Variants in ZNF747 observed in about 807,000 individuals in gnomAD.
The protein encoded by ZNF747 is KRAB domain-containing protein ZNF747.
A neutral mutation model predicts 13.4 loss-of-function variants in ZNF747; 14 were observed. The observed-to-expected ratio is 1.04, with a 90% CI of 0.69 to 1.63. The LOEUF is 1.63. ZNF747 is among the 40% of genes most tolerant of loss of function. ZNF747 has a pLI of 0.00. For synonymous variants in ZNF747, 212 were observed against 206.5 expected, an observed-to-expected ratio of 1.03 and a Z score of -0.23; for missense variants, 532 against 477.9, an observed-to-expected ratio of 1.11 and a Z score of -1.05.
In ZNF747 at chr16:30,532,996, G is replaced by A. The variant is rs746810644; in HGVS notation, c.499C>T (p.Pro167Ser). 5 of 1,609,200 alleles carry A rather than the reference G, an allele frequency of 3.1e-6. No homozygotes were observed. The highest frequency in any genetic ancestry group is 1.1e-5 in the South Asian group (1 of 90,966). ...ACAGGGGGGTGGGCAAAAAAGCGGGGGCGACTCCGGCGCCGGGCCTTGGAC... is the reference window on the plus strand; with the variant it reads ...ACAGGGGGGTGGGCAAAAAAGCGGGAGCGACTCCGGCGCCGGGCCTTGGAC... Reference protein sequence around the residue: ...QLSKARRRSRPRFFAHPPVPR... With the variant: ...QLSKARRRSRSRFFAHPPVPR... The change falls in exon 3 of 3, where the codon CCC (proline) becomes TCC (serine). Residue 167 changes from proline to serine, a missense_variant. Transcript: ENST00000693075.
rs1442163673 is a variant in ZNF747 at position 30,532,700 on chromosome 16, G to C, written c.795C>G (p.Pro265=). Residue 265 remains proline (P), a synonymous_variant, in exon 3 of 3, where the codon CCC becomes CCG. Transcript: ENST00000693075. ...SHLRVHTGEK[P]YRCPQCGRCF... ...AGCGGCCACACTGCGGGCAGCGGTA[G>C]GGCTTCTCGCCAGTGTGAACGCGCA... 1 of 1,538,768 alleles carries C rather than the reference G, an allele frequency of 6.5e-7. No individual in the cohort carries two copies. The highest frequency in any genetic ancestry group is 1.4e-5 in the African/African-American group (1 of 73,050).
At position 30,532,779 on chromosome 16, in the gene ZNF747, C is replaced by G. The variant is rs1203447333; in HGVS notation, c.716G>C (p.Arg239Pro). 2.6e-6 allele frequency: 4 copies of G among 1,550,972 alleles called. No homozygotes were observed. Among genetic ancestry groups the G allele is most frequent in the Non-Finnish European group, 3.5e-6 (4 of 1,150,538 alleles). The change falls in exon 3 of 3, where the codon CGC becomes CCC. Residue 239 changes from arginine (R) to proline (P), a missense_variant. Arg to Pro is a moderately radical substitution (Grantham distance 103). Transcript: ENST00000693075. ...RAIHRGERPH[R>P]CPECGRAFMR... ...GAAGGCCCGACCACACTCGGGACAG[C>G]GGTGGGGCCGCTCCCCACGATGGAT...
Position 30,532,378 on chromosome 16 carries a change from C to G in ZNF747, c.*121G>C, listed in dbSNP as rs772416925. ...GCTGAGAGCCCAAGATCAGACTGTC[C>G]GCACCCCAGGCCAGCTCTTGCGGTG... On this transcript the variant is annotated 3_prime_UTR_variant, in exon 3 of 3. Coordinates refer to ENST00000693075, the MANE Select transcript of ZNF747 (RefSeq NM_001305018.2). 1.7e-6 allele frequency: 2 copies of G among 1,170,172 alleles called. No individual in the cohort carries two copies. Among genetic ancestry groups the G allele is most frequent in the South Asian group, 1.4e-5 (1 of 70,364 alleles). The allele number at this position is 1,170,172 out of a possible 1,614,324, so 72.5% of individuals were successfully genotyped here.
At position 30,534,498 on chromosome 16, in the gene ZNF747, A is replaced by G; in HGVS notation, c.182T>C (p.Leu61Pro). Reference protein sequence around the residue: ...WGCLRPAQRALYRDVMRETYG... With the variant: ...WGCLRPAQRAPYRDVMRETYG... ...GGTCTCCCGCATCACGTCCCGGTAC[A>G]GGGCCCTCTGCGCGGGCCGCAGGCA... Residue 61 changes from leucine (L) to proline (P), a missense_variant, in exon 1 of 3, where the codon CTG becomes CCG. Leu to Pro is a moderately conservative substitution (Grantham distance 98). Coordinates refer to ENST00000693075, the MANE Select transcript of ZNF747 (RefSeq NM_001305018.2). The G allele has an allele frequency of 6.2e-7, 1 of 1,609,088 alleles. No individual in the cohort carries two copies.
Position 30,534,187 on chromosome 16 carries a change from G to C in ZNF747, c.343+10C>G, listed in dbSNP as rs1286485691. 1 of 1,609,632 alleles carries C rather than the reference G, an allele frequency of 6.2e-7. No homozygotes were observed. Among genetic ancestry groups the C allele is most frequent in the East Asian group, 2.2e-5 (1 of 44,670 alleles). On this transcript the variant is annotated intron_variant, in intron 2 of 2. Coordinates refer to ENST00000693075, the MANE Select transcript of ZNF747 (RefSeq NM_001305018.2). The stretch of plus-strand genomic sequence containing the variant: ...GAAGTCCCCATGGGACTGAGCACCC[G>C]ATACTCCACCTGGGTCCGCTTCTGT...
At position 30,532,965 on chromosome 16, in the gene ZNF747, CG is replaced by C; in HGVS notation, c.529del (p.Arg177GlufsTer49). ...PRFFAHPPVPRADQRHGCYVC... is the reference protein window; with the variant it reads ...PRFFAHPPVPXADQRHGCYVC... ...GTAGCAGCCGTGACGCTGGTCAGCTCGGGGGACAGGGGGGTGGGCAAAAAAG... is the reference window on the plus strand; with the variant it reads ...GTAGCAGCCGTGACGCTGGTCAGCTCGGGGACAGGGGGGTGGGCAAAAAAG... On this transcript the variant is annotated frameshift_variant, in exon 3 of 3. Transcript: ENST00000693075. LOFTEE classifies it low-confidence loss of function (END_TRUNC). The C allele has an allele frequency of 1.2e-6, 2 of 1,603,366 alleles. No homozygotes were observed. The highest frequency in any genetic ancestry group is 1.7e-6 in the Non-Finnish European group (2 of 1,177,162).
rs1232395434 is a variant in ZNF747, at chr16:30,532,448, T to C, written c.*51A>G. 6.4e-7 allele frequency: 1 copy of C among 1,551,536 alleles called. No homozygotes were observed. On this transcript the variant is annotated 3_prime_UTR_variant, in exon 3 of 3. Transcript: ENST00000693075. ...AGGCCGCTGCAGAGGTTCGGGCCCC[T>C]GAGCCCATCTCGGGCCGCCCACAAT...
intron 2 of ZNF747, 30 bp from the exon 3 acceptor site, chr16:30,533,181 T>C: frequency 6.2e-7 from 1 of 1,611,910 alleles, no homozygotes; most frequent in Non-Finnish European, 8.5e-7. Context: ...GAGTTCAGGC[T>C]TGGCTCATCC....
In ZNF747 at chr16:30,534,411, G is replaced by T. The variant is rs550807886; in HGVS notation, c.229+40C>A. The T allele has an allele frequency of 2.6e-6, 4 of 1,560,874 alleles. No individual in the cohort carries two copies. In the South Asian group the frequency reaches 4.7e-5, roughly 18 times the overall value. ...AGCTCCCAGAGGCGCGGCAGGGCCT[G>T]TGGAGGCGCAGGGCCCAGGCAAGCA... On this transcript the variant is annotated intron_variant, in intron 1 of 2. Coordinates refer to ENST00000693075, the MANE Select transcript of ZNF747 (RefSeq NM_001305018.2).
Position 30,532,947 on chromosome 16 carries a change from C to T in ZNF747, c.548G>A (p.Gly183Asp), listed in dbSNP as rs1045275942. 13 of 1,606,046 alleles carry T rather than the reference C, an allele frequency of 8.1e-6. No individual in the cohort carries two copies. Among genetic ancestry groups the T allele is most frequent in the Non-Finnish European group, 1.1e-5 (13 of 1,178,026 alleles). Reference protein sequence around the residue: ...PPVPRADQRHGCYVCGKSFAW... With the variant: ...PPVPRADQRHDCYVCGKSFAW... ...GAAGCTCTTCCCGCACACGTAGCAG[C>T]CGTGACGCTGGTCAGCTCGGGGGAC... Residue 183 changes from glycine to aspartate, a missense_variant, in exon 3 of 3, where the codon GGC becomes GAC. Coordinates refer to ENST00000693075, the MANE Select transcript of ZNF747 (RefSeq NM_001305018.2).
Position 30,532,709 on chromosome 16 carries a change from G to A in ZNF747, c.786C>T (p.Gly262=), listed in dbSNP as rs1445560189. ...ACTGCGGGCAGCGGTAGGGCTTCTC[G>A]CCAGTGTGAACGCGCAGGTGAGAAG... The part of the protein sequence containing the change: ...ALTSHLRVHT[G]EKPYRCPQCG... Residue 262 remains glycine (G), a synonymous_variant, in exon 3 of 3, where the codon GGC becomes GGT. Transcript: ENST00000693075. The A allele has an allele frequency of 6.5e-6, 10 of 1,539,172 alleles. No individual in the cohort carries two copies. Among genetic ancestry groups the A allele is most frequent in the South Asian group, 2.4e-5 (2 of 84,144 alleles).
At position 30,533,375 on chromosome 16, in the gene ZNF747, A is replaced by G. The variant is rs72483440; in HGVS notation, c.344-224T>C. On this transcript the variant is annotated intron_variant, in intron 2 of 2. Coordinates refer to ENST00000693075, the MANE Select transcript of ZNF747 (RefSeq NM_001305018.2). ...TCACCGCGGGGGAAGGGCAGAGATG[A>G]CGTGAACATCTGGGCCTGATCTGGA... is the stretch of plus-strand genomic sequence containing the variant. Among the ~76,000 whole-genome samples the G allele has an allele frequency of 4.6e-5, 7 of 152,240 alleles. No individual in the cohort carries two copies. In the East Asian group the frequency reaches 1.4e-3, roughly 29 times the overall value.
In ZNF747 at chr16:30,532,527, T is replaced by C; in HGVS notation, c.968A>G (p.Tyr323Cys). ...CCCACATTCCTGGAATATCTCTGGA[T>C]ACAGCTGGAAGCCCACAGGCGGGTC... ...DLDPPVGFQLYPEIFQECG is the reference protein window; with the variant it reads ...DLDPPVGFQLCPEIFQECG Residue 323 changes from tyrosine to cysteine, a missense_variant, in exon 3 of 3, where the codon TAT (tyrosine) becomes TGT (cysteine). Physicochemically the swap from Tyr to Cys is radical, Grantham distance 194 (BLOSUM62 -2). Transcript: ENST00000693075. 2 of 1,606,354 alleles carry C rather than the reference T, an allele frequency of 1.2e-6. No individual in the cohort carries two copies. Among genetic ancestry groups the C allele is most frequent in the Non-Finnish European group, 1.7e-6 (2 of 1,177,692 alleles).
chr16:30,534,710 C>A lies in ZNF747; in HGVS notation c.-31G>T. On this transcript the variant is annotated 5_prime_UTR_variant, in exon 1 of 3. The change creates a new upstream start codon in the 5' untranslated region. Transcript: ENST00000693075. ...CTGGCCAGGCCTGGGCATGCGGAAC[C>A]TCCCGCGCCCGAGAACACTTCCCCG... 4 of 1,483,826 alleles carry A rather than the reference C, an allele frequency of 2.7e-6. No homozygotes were observed. The highest frequency in any genetic ancestry group is 3.6e-6 in the Non-Finnish European group (4 of 1,119,916). 91.9% of individuals were successfully genotyped at this position (1,483,826 alleles called of 1,614,324 possible).
chr16:30,533,393 G>C (rs1032144305), intron 2 of ZNF747, among the ~76,000 whole-genome samples: 8 of 152,184 alleles, frequency 5.3e-5, no homozygotes, highest in African/African-American at 1.9e-4. Context: ...ATCTGGGCCT[G>C]ATCTGGAATA....
Position 30,532,588 on chromosome 16 carries a change from G to GC in ZNF747, c.906dup (p.Leu303AlafsTer33), listed in dbSNP as rs1188538492. On this transcript the variant is annotated frameshift_variant, in exon 3 of 3. Transcript: ENST00000693075. LOFTEE classifies it low-confidence loss of function (END_TRUNC). ...CGGACAGGAGTCAGGGTCACAGACA[G>GC]CCCCCCAGGGCGCCGGCCCCTACGC... is the stretch of plus-strand genomic sequence containing the variant. The GC allele has an allele frequency of 5.1e-6, 8 of 1,567,576 alleles. No individual in the cohort carries two copies. The African/African-American group carries it at 8.1e-5, about 16-fold the overall frequency.
chr16:30,534,369 C>A (rs761014103), intron 1 of ZNF747, 59 bp from the exon 2 acceptor site: 1 of 1,554,788 alleles, frequency 6.4e-7, no homozygotes, highest in Non-Finnish European at 8.7e-7. Flanking sequence ...GGCCCCGGGG[C>A]CCCCAACTCC....
At position 30,534,527 on chromosome 16, in the gene ZNF747, C is replaced by G. The variant is rs2051428804; in HGVS notation, c.153G>C (p.Trp51Cys). 1 of 1,609,292 alleles carries G rather than the reference C, an allele frequency of 6.2e-7. No individual in the cohort carries two copies. The highest frequency in any genetic ancestry group is 1.3e-5 in the African/African-American group (1 of 74,814). Residue 51 changes from tryptophan to cysteine, a missense_variant, in exon 1 of 3, where the codon TGG becomes TGC. Transcript: ENST00000693075. ...CCCTCTGCGCGGGCCGCAGGCAGCC[C>G]CACTCCTCCCGGGAGAAGTACACGG... Reference protein sequence around the residue: ...DVAVYFSREEWGCLRPAQRAL... With the variant: ...DVAVYFSREECGCLRPAQRAL...
intron 1 of ZNF747, 48 bp from the exon 2 acceptor site, chr16:30,534,358 C>A: frequency 6.4e-7 from 1 of 1,555,730 alleles, no homozygotes. Context: ...GCCGCCTGCC[C>A]GGCCCCGGGG....
Sources: allele counts gnomAD v4.1 joint callset (sites outside exome capture counted in the v4.1 genomes callset), GRCh38; gene constraint gnomAD v4.1.1; transcripts MANE v1.5; gene names NCBI Gene and HGNC (gene_info 2026-07-23, HGNC 2026-07-21).